The following SLC38A11 variants were observed in gnomAD, a reference collection of about 807,000 sequenced individuals.
SLC38A11 encodes the protein putative sodium-coupled neutral amino acid transporter 11.
In SLC38A11, 51 loss-of-function variants were observed where a neutral mutation model predicts 49.4. The observed-to-expected ratio is 1.03, with a 90% CI of 0.83 to 1.30. SLC38A11 has a LOEUF of 1.30. SLC38A11 is among the 50% of genes most tolerant of loss of function. SLC38A11 has a pLI of 0.00. For missense variants in SLC38A11, 574 were observed against 556.2 expected, an observed-to-expected ratio of 1.03 and a Z score of -0.32; for synonymous variants, 203 against 192.9, an observed-to-expected ratio of 1.05 and a Z score of -0.43.
chr2:164,915,029 C>A, intron 9 of SLC38A11, 83 bp downstream of exon 9: 1 of 1,239,610 alleles, frequency 8.1e-7, no homozygotes, highest in Non-Finnish European at 1.1e-6. Context: ...GAACACTGGG[C>A]ATACCTGTAA....
In SLC38A11 at chr2:164,895,409, C is replaced by A. The variant is rs1038555129; in HGVS notation, c.*3028G>T. Among the ~76,000 whole-genome samples the A allele has an allele frequency of 6.6e-6, 1 of 152,152 alleles. No individual in the cohort carries two copies. Among genetic ancestry groups the A allele is most frequent in the Non-Finnish European group, 1.5e-5 (1 of 68,026 alleles). ...ACTCATTGATTCATGCTTGGGCCAC[C>A]TGACAACATTTGCTCCAATCAATAG... On this transcript the variant is annotated 3_prime_UTR_variant, in exon 12 of 12. Coordinates refer to ENST00000685975, the MANE Select transcript of SLC38A11 (RefSeq NM_001351537.2).
intron 7 of SLC38A11, among the ~76,000 whole-genome samples, chr2:164,924,777 C>T (rs1040083029): frequency 6.6e-6 from 1 of 151,830 alleles, no homozygotes; most frequent in African/African-American, 2.4e-5. Flanking sequence ...CTCTGTCGCC[C>T]AGGCTGGAGT....
intron 2 of SLC38A11, chr2:164,953,061 A>C: frequency 2.8e-6 from 1 of 356,062 alleles, no homozygotes. Flanking sequence ...ATGCCAGTTC[A>C]CACAAATAAC....
At chr2:164,905,338 G>A (rs1574737355) in intron 11 of SLC38A11, among the ~76,000 whole-genome samples, 1 of 151,858 alleles carries the variant, frequency 6.6e-6, no homozygotes, top group South Asian at 2.1e-4. Context: ...CACCATGTTG[G>A]CCAAGCAGGT....
In SLC38A11 at chr2:164,938,821, G is replaced by A. The variant is rs377086137; in HGVS notation, c.537+629C>T. 1.8e-4 allele frequency among the ~76,000 whole-genome samples: 28 copies of A among 152,232 alleles called. 1 individual carries two copies. In the East Asian group the frequency reaches 3.3e-3, roughly 18 times the overall value. On this transcript the variant is annotated intron_variant, in intron 6 of 11. Coordinates refer to ENST00000685975, the MANE Select transcript of SLC38A11 (RefSeq NM_001351537.2). ...TCAGAATGTTTGGCATTACGTAGAC[G>A]TAGTACCAATAATATTTTGGGTAAA...
At chr2:164,907,243 C>T (rs1685070200) in intron 11 of SLC38A11, among the ~76,000 whole-genome samples, 1 of 150,570 alleles carries the variant, frequency 6.6e-6, no homozygotes, top group African/African-American at 2.4e-5. Flanking sequence ...TTTGGGAATC[C>T]ATCCATTTCC....
chr2:164,933,221 T>C (rs1342314452), intron 7 of SLC38A11, among the ~76,000 whole-genome samples: 1 of 151,094 alleles, frequency 6.6e-6, no homozygotes, highest in Non-Finnish European at 1.5e-5. Flanking sequence ...AAGAATTGAA[T>C]ATTAATAAGG....
chr2:164,921,502 T>TC, intron 7 of SLC38A11, among the ~76,000 whole-genome samples: 1 of 151,856 alleles, frequency 6.6e-6, no homozygotes. Flanking sequence ...TTTAATTTTT[T>TC]TTTTTTTTGT....
In SLC38A11 at chr2:164,908,661, G is replaced by A. The variant is rs147887551; in HGVS notation, c.1074C>T (p.Leu358=). Residue 358 remains leucine (L), a synonymous_variant, in exon 11 of 12, where the codon CTC becomes CTT. Transcript: ENST00000685975. ...ATLVSLLIDC[L]GIVLELNGVL... ...TCACATTGAGTTCTAGAACTATCCCGAGGCAATCAATCAGCAATGACACAA... is the reference window on the plus strand; with the variant it reads ...TCACATTGAGTTCTAGAACTATCCCAAGGCAATCAATCAGCAATGACACAA... The A allele has an allele frequency of 4.6e-5, 73 of 1,602,176 alleles. No individual in the cohort carries two copies. The African/African-American group carries it at 5.6e-4, about 12-fold the overall frequency.
chr2:164,902,136 C>A (rs1211572282), intron 11 of SLC38A11, among the ~76,000 whole-genome samples: 6 of 151,334 alleles, frequency 4.0e-5, no homozygotes, highest in Non-Finnish European at 5.9e-5. Flanking sequence ...TCAAGTGATC[C>A]TCCCACCTCA....
intron 4 of SLC38A11, among the ~76,000 whole-genome samples, chr2:164,944,908 A>G (rs771531697): frequency 3.9e-5 from 6 of 152,170 alleles, no homozygotes; most frequent in Admixed American, 6.5e-5. Flanking sequence ...TTAAAAATGC[A>G]ATTTATTTTG....
intron 11 of SLC38A11, among the ~76,000 whole-genome samples, chr2:164,905,838 G>A (rs1281394816): frequency 1.3e-5 from 2 of 151,942 alleles, no homozygotes; most frequent in Admixed American, 6.6e-5. Flanking sequence ...GTCCTCCAGG[G>A]CCAGCTCAGA....
chr2:164,931,234 T>TCCC (rs771329539), intron 7 of SLC38A11, among the ~76,000 whole-genome samples: 2 of 42,926 alleles, frequency 4.7e-5, no homozygotes, highest in South Asian at 1.9e-3. Flanking sequence ...AAAATACTGA[T>TCCC]CCCCCACAAA....
chr2:164,939,528 G>A lies in SLC38A11; in HGVS notation c.459C>T (p.Arg153=), dbSNP rs1319949669. The A allele has an allele frequency of 3.1e-6, 5 of 1,609,908 alleles. No homozygotes were observed. The highest frequency in any genetic ancestry group is 1.7e-5 in the Admixed American group (1 of 59,594). ...GVDPENVFIG[R]HFIIGLSTVT... The stretch of plus-strand genomic sequence containing the variant: ...CTGTGGAAAGTCCAATAATGAAGTG[G>A]CGACCAATAAACACGTTTTCAGGAT... The change falls in exon 6 of 12, where the codon CGC becomes CGT. Residue 153 remains arginine, a synonymous_variant. Transcript: ENST00000685975.
chr2:164,954,761 G>A lies in SLC38A11; in HGVS notation c.40-16C>T. On this transcript the variant is annotated splice_polypyrimidine_tract_variant and intron_variant, in intron 1 of 11. Coordinates refer to ENST00000685975, the MANE Select transcript of SLC38A11 (RefSeq NM_001351537.2). ...CTAAATCTCTCTAATAGATAAAATA[G>A]CAATTATAAGCAAATACTAGTTCAG... The A allele has an allele frequency of 1.5e-6, 2 of 1,300,846 alleles. No homozygotes were observed. Among genetic ancestry groups the A allele is most frequent in the South Asian group, 1.4e-5 (1 of 69,188 alleles). 80.6% of individuals were successfully genotyped at this position (1,300,846 alleles called of 1,614,324 possible). A position where few individuals can be genotyped will look rare whatever the true frequency, so the allele number is the denominator to read the frequency against.
At chr2:164,950,367 G>A (rs1688440793) in intron 3 of SLC38A11, among the ~76,000 whole-genome samples, 2 of 152,164 alleles carry the variant, frequency 1.3e-5, no homozygotes, top group South Asian at 4.1e-4. Context: ...GTTGGGATGA[G>A]AACACTGAGC....
At position 164,929,969 on chromosome 2, in the gene SLC38A11, G is replaced by A. The variant is rs542999030; in HGVS notation, c.617+7381C>T. 4.6e-5 allele frequency among the ~76,000 whole-genome samples: 7 copies of A among 151,206 alleles called. No homozygotes were observed. The South Asian group carries it at 8.6e-4, about 18-fold the overall frequency. ...ATTCAAAAGATCAATGAATCCAGGC[G>A]CTGTTTTTTTTTAAAATTCAAAAAT... On this transcript the variant is annotated intron_variant, in intron 7 of 11. Coordinates refer to ENST00000685975, the MANE Select transcript of SLC38A11 (RefSeq NM_001351537.2).
chr2:164,908,991 T>C (rs1341788983), intron 10 of SLC38A11, among the ~76,000 whole-genome samples: 3 of 152,172 alleles, frequency 2.0e-5, no homozygotes, highest in African/African-American at 7.2e-5. Context: ...AGTCAGTGGA[T>C]TATATTACAG....
At chr2:164,931,425 T>C (rs770079580) in intron 7 of SLC38A11, among the ~76,000 whole-genome samples, 8 of 151,964 alleles carry the variant, frequency 5.3e-5, no homozygotes, top group Non-Finnish European at 1.2e-4. Context: ...ACAACTATTT[T>C]AAAATTCACA....
Sources: gnomAD v4.1 joint callset for allele counts (sites outside exome capture counted in the v4.1 genomes callset) on GRCh38, gnomAD v4.1.1 for gene constraint, MANE v1.5 for transcripts, NCBI Gene and HGNC (gene_info 2026-07-23, HGNC 2026-07-21) for gene names.